Variants in SCOC observed in about 807,000 individuals in gnomAD.
SCOC encodes the protein short coiled-coil protein, also known as short coiled coil protein.
SCOC carries 7 observed loss-of-function variants against 9.9 expected under a neutral mutation model. That is an observed-to-expected ratio of 0.71 (90% CI 0.40 to 1.33). SCOC has a LOEUF of 1.33. Ranked by LOEUF, SCOC falls within the 40% of genes most tolerant of loss-of-function variation. The pLI, the probability that SCOC is intolerant of heterozygous loss-of-function variation, is 0.01. For missense variants in SCOC, 66 were observed against 89.7 expected, an observed-to-expected ratio of 0.74 and a Z score of 1.07; for synonymous variants, 19 against 28.2, an observed-to-expected ratio of 0.67 and a Z score of 1.03.
chr4:140,339,388 G>C (rs1165549854), upstream of SCOC, among the ~76,000 whole-genome samples: 3 of 152,042 alleles, frequency 2.0e-5, no homozygotes, highest in Non-Finnish European at 4.4e-5. Context: ...ACATAGGCAT[G>C]GGCAAGGACT....
chr4:140,345,644 A>G (rs1251625376), intron 2 of SCOC, among the ~76,000 whole-genome samples: 1 of 152,242 alleles, frequency 6.6e-6, no homozygotes, highest in East Asian at 1.9e-4. Flanking sequence ...GTAAAGCATT[A>G]AAAAGGTATG....
chr4:140,295,076 A>G (rs537429538), intron 1 of SCOC, among the ~76,000 whole-genome samples: 1 of 152,342 alleles, frequency 6.6e-6, no homozygotes, highest in Admixed American at 6.5e-5. Flanking sequence ...TCAAGTAACC[A>G]TGCAATTAAT....
intron 1 of SCOC, among the ~76,000 whole-genome samples, chr4:140,311,708 A>G (rs961922048): frequency 1.3e-5 from 2 of 152,144 alleles, no homozygotes; most frequent in Admixed American, 6.5e-5. Context: ...TACCCCAACC[A>G]TAAGACTTTG....
chr4:140,377,986 T>G (rs972434179), intron 1 of SCOC, among the ~76,000 whole-genome samples: 4 of 152,198 alleles, frequency 2.6e-5, no homozygotes, highest in African/African-American at 9.6e-5. Flanking sequence ...TCTGGTGACA[T>G]TATTTAATAT....
chr4:140,293,320 A>G (rs773033043), intron 1 of SCOC: 1 of 456,814 alleles, frequency 2.2e-6, no homozygotes, highest in South Asian at 1.5e-5. Flanking sequence ...GCAAAGGCTT[A>G]TCTTTACTGC....
intron 1 of SCOC, among the ~76,000 whole-genome samples, chr4:140,271,535 C>T (rs1313597388): frequency 6.6e-6 from 1 of 152,142 alleles, no homozygotes; most frequent in African/African-American, 2.4e-5. Context: ...AAAGTAGTGC[C>T]ATAATCTAGG....
chr4:140,374,324 T>C (rs896085684), intron 1 of SCOC: 8 of 378,894 alleles, frequency 2.1e-5, no homozygotes, highest in African/African-American at 1.3e-4. Flanking sequence ...AAGGCAGGGC[T>C]TCTGTTATAC....
chr4:140,295,208 G>C (rs1345180219), intron 1 of SCOC, among the ~76,000 whole-genome samples: 4 of 152,124 alleles, frequency 2.6e-5, no homozygotes, highest in Non-Finnish European at 5.9e-5. Context: ...TATAATGATG[G>C]GGATCCCTCC....
chr4:140,349,767 G>A (rs747622692), intron 2 of SCOC, among the ~76,000 whole-genome samples: 7 of 152,052 alleles, frequency 4.6e-5, no homozygotes, highest in Non-Finnish European at 8.8e-5. Context: ...TCCCTCACCA[G>A]GTCCTTATTA....
intron 1 of SCOC, among the ~76,000 whole-genome samples, chr4:140,258,496 A>C (rs894850373): frequency 6.6e-6 from 1 of 152,198 alleles, no homozygotes; most frequent in African/African-American, 2.4e-5. Context: ...ACTCCATGTA[A>C]TTAGGCCGTC....
At chr4:140,366,026 G>A (rs1232374811) in intron 2 of SCOC, among the ~76,000 whole-genome samples, 1 of 152,176 alleles carries the variant, frequency 6.6e-6, no homozygotes, top group African/African-American at 2.4e-5. Context: ...AGCTGACAGA[G>A]GAACTCTAAC....
chr4:140,352,326 T>C (rs1418094132), intron 2 of SCOC, among the ~76,000 whole-genome samples: 1 of 152,240 alleles, frequency 6.6e-6, no homozygotes, highest in Admixed American at 6.5e-5. Context: ...TAATTGGCAT[T>C]TGGGATCCAT....
At chr4:140,369,319 A>G (rs957478894), upstream of SCOC, 1 of 419,132 alleles carries the variant, frequency 2.4e-6, no homozygotes, top group Non-Finnish European at 4.7e-6. Flanking sequence ...CCAAATTCAG[A>G]ACAGCATTCA....
chr4:140,272,371 T>A (rs981966799), intron 1 of SCOC, among the ~76,000 whole-genome samples: 3 of 152,210 alleles, frequency 2.0e-5, no homozygotes, highest in African/African-American at 7.2e-5. Flanking sequence ...ATCACTTTTA[T>A]ACTTTAGTAG....
At chr4:140,316,668 C>T (rs1732328438) in intron 1 of SCOC, among the ~76,000 whole-genome samples, 1 of 152,092 alleles carries the variant, frequency 6.6e-6, no homozygotes, top group Non-Finnish European at 1.5e-5. Flanking sequence ...CCCTTGCTGC[C>T]CTGACCACCC....
chr4:140,366,678 G>T, intron 2 of SCOC: 1 of 1,596,556 alleles, frequency 6.3e-7, no homozygotes, highest in Non-Finnish European at 8.6e-7. Flanking sequence ...GAAACTTGAG[G>T]TTGAAATCAG....
At chr4:140,273,208 T>C (rs1730889814) in intron 1 of SCOC, among the ~76,000 whole-genome samples, 2 of 152,130 alleles carry the variant, frequency 1.3e-5, no homozygotes, top group Admixed American at 1.3e-4. Flanking sequence ...TTGGAAAAGA[T>C]GAAGGAGAAA....
intron 1 of SCOC, among the ~76,000 whole-genome samples, chr4:140,298,890 A>G (rs1731728413): frequency 6.6e-6 from 1 of 152,190 alleles, no homozygotes; most frequent in Non-Finnish European, 1.5e-5. Flanking sequence ...ATCATGGTTC[A>G]CTGCAGCCTC....
chr4:140,302,255 A>T (rs1560691310), intron 1 of SCOC, among the ~76,000 whole-genome samples: 1 of 152,278 alleles, frequency 6.6e-6, no homozygotes, highest in South Asian at 2.1e-4. Context: ...AGATAAGCTC[A>T]TTGCATCTCC....
Sources: allele counts gnomAD v4.1 joint callset (sites outside exome capture counted in the v4.1 genomes callset), GRCh38; gene constraint gnomAD v4.1.1; transcripts MANE v1.5; gene names NCBI Gene and HGNC (gene_info 2026-07-23, HGNC 2026-07-21).